PATJ: variants seen among roughly 807,000 people sequenced by gnomAD.
PATJ encodes the protein inaD-like protein.
Under a neutral mutation model 224.9 loss-of-function variants are expected in PATJ, and 190 were observed. That is an observed-to-expected ratio of 0.84 (90% CI 0.75 to 0.95). PATJ has a LOEUF of 0.95. Among genes scored for constraint, PATJ ranks in the 40% least tolerant of loss-of-function variants. The pLI, the probability that PATJ is intolerant of heterozygous loss-of-function variation, is 0.00. For synonymous variants in PATJ, 769 were observed against 820.3 expected (o/e 0.94, Z 1.07); for missense variants, 2,121 against 2,270.3 (o/e 0.93, Z 1.34).
chr1:61,944,588 A>T (rs913886899), intron 27 of PATJ, among the ~76,000 whole-genome samples: 2 of 152,224 alleles, frequency 1.3e-5, no homozygotes, highest in Non-Finnish European at 2.9e-5. Flanking sequence ...AAAAGACCAA[A>T]TCTACGTCTG....
chr1:62,107,006 T>G (rs1663144062), intron 33 of PATJ, among the ~76,000 whole-genome samples: 1 of 151,886 alleles, frequency 6.6e-6, no homozygotes, highest in African/African-American at 2.4e-5. Context: ...TAATCTCCAC[T>G]CAAAAGCTGT....
Position 62,128,885 on chromosome 1 carries a change from G to A in PATJ, c.5211G>A (p.Gly1737=), listed in dbSNP as rs374548384. The stretch of plus-strand genomic sequence containing the variant: ...GCATTAACGGGCAACCTTTGGATGG[G>A]CTGTCTCACGCGGATGTGGTTAATC... ...IVSINGQPLD[G]LSHADVVNLL... Residue 1737 remains glycine (G), a synonymous_variant, in exon 41 of 44, where the codon GGG becomes GGA. Coordinates refer to ENST00000642238, the MANE Select transcript of PATJ (RefSeq NM_001350145.3). 24 of 1,613,302 alleles carry A rather than the reference G, an allele frequency of 1.5e-5. No homozygotes were observed. The African/African-American group carries it at 1.9e-4, about 13-fold the overall frequency.
At chr1:62,052,162 G>A (rs578054539) in intron 31 of PATJ, among the ~76,000 whole-genome samples, 2 of 152,222 alleles carry the variant, frequency 1.3e-5, no homozygotes, top group East Asian at 3.9e-4. Flanking sequence ...AATCACTTAG[G>A]AGTGTCATCT....
intron 22 of PATJ, among the ~76,000 whole-genome samples, chr1:61,888,104 C>G (rs544655301): frequency 5.9e-5 from 9 of 152,236 alleles, no homozygotes; most frequent in African/African-American, 1.9e-4. Flanking sequence ...AAAGCCAGGC[C>G]GGTATGCAGA....
intron 17 of PATJ, among the ~76,000 whole-genome samples, chr1:61,834,684 A>G (rs1659887275): frequency 6.6e-6 from 1 of 152,238 alleles, no homozygotes; most frequent in South Asian, 2.1e-4. Flanking sequence ...TTTTAATATA[A>G]TAAGGCAATC....
Position 61,775,202 on chromosome 1 carries a change from G to A in PATJ, c.721-4G>A, listed in dbSNP as rs2148397490. ...TGCGACTCTTATTTGCCATTAATTT[G>A]TAGGTTTGTTGGGGCCATGTTGAAG... On this transcript the variant is annotated splice_region_variant and splice_polypyrimidine_tract_variant and intron_variant, in intron 6 of 43. Coordinates refer to ENST00000642238, the MANE Select transcript of PATJ (RefSeq NM_001350145.3). 4 of 1,604,868 alleles carry A rather than the reference G, an allele frequency of 2.5e-6. No homozygotes were observed. Among genetic ancestry groups the A allele is most frequent in the Non-Finnish European group, 3.4e-6 (4 of 1,177,284 alleles).
At chr1:62,097,978 T>C (rs1661594073) in intron 33 of PATJ, among the ~76,000 whole-genome samples, 1 of 152,148 alleles carries the variant, frequency 6.6e-6, no homozygotes, top group South Asian at 2.1e-4. Flanking sequence ...TTAGAAGTCA[T>C]GTAGTTCAGG....
intron 28 of PATJ, among the ~76,000 whole-genome samples, chr1:62,002,709 CAAAAAA>C (rs766357883): frequency 1.6e-3 from 185 of 112,776 alleles, no homozygotes; most frequent in Admixed American, 3.4e-3. Flanking sequence ...AACTCTGTCT[CAAAAAA>C]AAAAAAAAAA....
intron 18 of PATJ, among the ~76,000 whole-genome samples, chr1:61,859,638 G>A (rs1049268767): frequency 2.0e-5 from 3 of 151,678 alleles, no homozygotes; most frequent in Non-Finnish European, 1.5e-5. Flanking sequence ...TGTTTTTTGA[G>A]ATGGAGTTTC....
chr1:61,814,132 T>TC (rs1451698047), intron 14 of PATJ, among the ~76,000 whole-genome samples: 69 of 124,290 alleles, frequency 5.6e-4, no homozygotes, highest in African/African-American at 1.3e-3. Flanking sequence ...ATTCTCTTCT[T>TC]TTTTTTTTTT....
chr1:61,939,676 C>CTTTTTTTTT lies in PATJ; in HGVS notation c.3670+11865_3670+11873dup, dbSNP rs71050183. On this transcript the variant is annotated intron_variant, in intron 27 of 43. Transcript: ENST00000642238. ...AGCATGTATAAAAAGTTTCTATGTG[C>CTTTTTTTTT]TTTTTTTTTTTTTTTTTTTTTTTTT... Among the ~76,000 whole-genome samples, 119 of 58,880 alleles carry CTTTTTTTTT rather than the reference C, an allele frequency of 2.0e-3. 21 individuals carry two copies. The highest frequency in any genetic ancestry group is 9.9e-3 in the African/African-American group (106 of 10,684). 38.6% of individuals were successfully genotyped at this position (58,880 alleles called of 152,430 possible). A position where few individuals can be genotyped will look rare whatever the true frequency, so the allele number is the denominator to read the frequency against.
intron 17 of PATJ, among the ~76,000 whole-genome samples, chr1:61,835,296 A>G (rs1659991692): frequency 6.6e-6 from 1 of 152,028 alleles, no homozygotes; most frequent in Non-Finnish European, 1.5e-5. Flanking sequence ...TTCCTTCCCC[A>G]TTGTAGCTAT....
At chr1:62,045,998 C>G (rs2148557356) in intron 30 of PATJ, among the ~76,000 whole-genome samples, 1 of 152,160 alleles carries the variant, frequency 6.6e-6, no homozygotes, top group East Asian at 1.9e-4. Context: ...CTCAGGAATT[C>G]AAGACCAGCC....
chr1:61,792,591 C>T (rs1295643638), intron 9 of PATJ, among the ~76,000 whole-genome samples: 6 of 151,428 alleles, frequency 4.0e-5, no homozygotes, highest in East Asian at 3.9e-4. Context: ...AGTGCAGTGG[C>T]GCGATCTTGG....
intron 22 of PATJ, among the ~76,000 whole-genome samples, chr1:61,889,358 G>A (rs1397277839): frequency 6.6e-6 from 1 of 152,142 alleles, no homozygotes; most frequent in Non-Finnish European, 1.5e-5. Flanking sequence ...GAGATCTCTA[G>A]AAAGGGGACT....
intron 22 of PATJ, among the ~76,000 whole-genome samples, chr1:61,898,944 G>T (rs1331758085): frequency 1.4e-5 from 2 of 139,552 alleles, no homozygotes; most frequent in Non-Finnish European, 3.1e-5. Context: ...GTGCCACCAT[G>T]CACAGCTGAT....
chr1:61,990,109 A>G (rs143035955), intron 27 of PATJ, 59 bp from the exon 28 acceptor site: 1 of 1,213,182 alleles, frequency 8.2e-7, no homozygotes, highest in Non-Finnish European at 1.1e-6. Flanking sequence ...GGAAATGCTG[A>G]CATCTCAATA....
At chr1:62,113,703 T>C (rs1401134222) in intron 34 of PATJ, among the ~76,000 whole-genome samples, 1 of 152,214 alleles carries the variant, frequency 6.6e-6, no homozygotes, top group Admixed American at 6.5e-5. Context: ...CTAAAAATGC[T>C]GACTAAACAT....
At chr1:61,852,796 G>A (rs1663044487) in intron 17 of PATJ, among the ~76,000 whole-genome samples, 1 of 152,202 alleles carries the variant, frequency 6.6e-6, no homozygotes, top group Non-Finnish European at 1.5e-5. Context: ...AAGAATAGCA[G>A]CCACCTCAGT....
Sources: gnomAD v4.1 joint callset for allele counts (sites outside exome capture counted in the v4.1 genomes callset) on GRCh38, gnomAD v4.1.1 for gene constraint, MANE v1.5 for transcripts, NCBI Gene and HGNC (gene_info 2026-07-23, HGNC 2026-07-21) for gene names.